MAF: variants seen among roughly 807,000 people sequenced by gnomAD.
MAF encodes transcription factor Maf.
MAF carries 10 observed loss-of-function variants against 22.0 expected under a neutral mutation model. That is an observed-to-expected ratio of 0.45 (90% confidence interval 0.28 to 0.77). The LOEUF is 0.77. MAF is among the 30% of genes least tolerant of loss of function. The pLI is 0.12. For synonymous variants in MAF, 337 were observed against 255.8 expected (o/e 1.32, Z -3.03); for missense variants, 544 against 548.4 (o/e 0.99, Z 0.08).
chr16:79,345,528 G>C, the MAF span, among the ~76,000 whole-genome samples: 4 of 151,906 alleles, frequency 2.6e-5, no homozygotes, highest in African/African-American at 9.7e-5. Flanking sequence ...AGGAGTTCAA[G>C]ACCAGCCTGG....
chr16:79,421,346 C>A, the MAF span, among the ~76,000 whole-genome samples: 2 of 152,316 alleles, frequency 1.3e-5, no homozygotes, highest in African/African-American at 2.4e-5. Context: ...CATGTTCCTG[C>A]CCTGAAAACC....
At chr16:79,350,934 A>G in the MAF span, among the ~76,000 whole-genome samples, 12 of 150,818 alleles carry the variant, frequency 8.0e-5, no homozygotes, top group East Asian at 3.9e-4. Flanking sequence ...TAGACTTACT[A>G]TGTGCTCAAG....
the MAF span, among the ~76,000 whole-genome samples, chr16:79,287,230 T>A: frequency 5.9e-5 from 9 of 152,274 alleles, no homozygotes; most frequent in South Asian, 1.7e-3. Context: ...GGATATGGTG[T>A]TCTCTTTCAC....
chr16:79,526,101 C>T, the MAF span, among the ~76,000 whole-genome samples: 2 of 152,128 alleles, frequency 1.3e-5, no homozygotes, highest in Non-Finnish European at 2.9e-5. Flanking sequence ...AATCTTCCTG[C>T]CTCTTGTTTC....
At chr16:79,263,326 T>C in the MAF span, among the ~76,000 whole-genome samples, 1 of 152,350 alleles carries the variant, frequency 6.6e-6, no homozygotes, top group South Asian at 2.1e-4. Flanking sequence ...AGATGGGGAA[T>C]GGCTATCTAT....
At chr16:79,203,956 C>T in the MAF span, 2 of 152,154 alleles carry the variant, frequency 1.3e-5, no homozygotes, top group Non-Finnish European at 2.9e-5. Context: ...TCTTTTATAT[C>T]TTATAAACAC....
chr16:79,416,491 T>G, the MAF span, among the ~76,000 whole-genome samples: 1 of 111,202 alleles, frequency 9.0e-6, no homozygotes, highest in Admixed American at 9.6e-5. Flanking sequence ...TGGTTTATGG[T>G]TAAATTGCAA....
chr16:79,258,056 C>T, the MAF span, among the ~76,000 whole-genome samples: 2 of 152,226 alleles, frequency 1.3e-5, no homozygotes, highest in Non-Finnish European at 2.9e-5. Flanking sequence ...GATAACATCG[C>T]GTCTCAGCTG....
chr16:79,391,591 G>C, the MAF span, among the ~76,000 whole-genome samples: 59 of 152,294 alleles, frequency 3.9e-4, 1 homozygote, highest in African/African-American at 1.4e-3. Flanking sequence ...AAGAGAAGTA[G>C]AGCAAGGAGT....
the MAF span, among the ~76,000 whole-genome samples, chr16:79,209,339 C>G: frequency 1.3e-5 from 2 of 152,152 alleles, no homozygotes; most frequent in Admixed American, 1.3e-4. Flanking sequence ...AAGAGTGCAA[C>G]GTGGTATCAT....
the MAF span, among the ~76,000 whole-genome samples, chr16:79,468,393 G>A: frequency 1.3e-5 from 2 of 152,252 alleles, no homozygotes; most frequent in Non-Finnish European, 2.9e-5. Flanking sequence ...CTGGGTGAGA[G>A]GATTAGCACT....
At chr16:79,397,311 G>A in the MAF span, among the ~76,000 whole-genome samples, 6 of 152,192 alleles carry the variant, frequency 3.9e-5, no homozygotes, top group African/African-American at 1.4e-4. Context: ...TGTGTGGAGA[G>A]TTAAATGCAG....
chr16:79,277,296 G>A, the MAF span, among the ~76,000 whole-genome samples: 3 of 152,180 alleles, frequency 2.0e-5, no homozygotes, highest in Non-Finnish European at 4.4e-5. Flanking sequence ...CCAGGAGCTA[G>A]GACCTCAGTA....
At chr16:79,519,976 T>C in the MAF span, among the ~76,000 whole-genome samples, 1 of 152,250 alleles carries the variant, frequency 6.6e-6, no homozygotes, top group African/African-American at 2.4e-5. Flanking sequence ...GAACTCTGTC[T>C]GTGCAGGTGG....
the MAF span, among the ~76,000 whole-genome samples, chr16:79,222,716 G>A: frequency 2.6e-5 from 4 of 152,072 alleles, no homozygotes; most frequent in Non-Finnish European, 5.9e-5. Flanking sequence ...AAAAAGCAGG[G>A]TTGCAATCCT....
intron 1 of MAF, among the ~76,000 whole-genome samples, chr16:79,588,571 C>A (rs1210658716): frequency 6.6e-6 from 1 of 151,998 alleles, no homozygotes; most frequent in East Asian, 1.9e-4. Context: ...AAGCGATTCT[C>A]CTGTCTCTGC....
chr16:79,585,926 G>C (rs1912811329), exon 2 of MAF: 1 of 685,034 alleles, frequency 1.5e-6, no homozygotes, highest in South Asian at 1.6e-5. Context: ...CTGATGTAGA[G>C]GATTCCCTTG....
At chr16:79,502,696 AATATAAATATAAATATAT>A in the MAF span, among the ~76,000 whole-genome samples, 1 of 19,246 alleles carries the variant, frequency 5.2e-5, no homozygotes, top group African/African-American at 1.8e-4. Flanking sequence ...TATAAATATA[AATATAAATATAAATATAT>A]ATATATATAT....
At chr16:79,347,261 T>C in the MAF span, among the ~76,000 whole-genome samples, 1 of 152,080 alleles carries the variant, frequency 6.6e-6, no homozygotes. Flanking sequence ...GATGTGAGAG[T>C]GAGAGGTGTG....
Sources: gnomAD v4.1 joint callset for allele counts (sites outside exome capture counted in the v4.1 genomes callset) on GRCh38, gnomAD v4.1.1 for gene constraint, MANE v1.5 for transcripts, NCBI Gene and HGNC (gene_info 2026-07-23, HGNC 2026-07-21) for gene names.